Variants in SPATA13 observed in about 807,000 individuals in gnomAD.
SPATA13 encodes spermatogenesis-associated protein 13.
SPATA13 carries 50 observed loss-of-function variants against 104.0 expected under a neutral mutation model. The observed-to-expected ratio is 0.48, with a 90% CI of 0.38 to 0.61. SPATA13 has a LOEUF of 0.61. Ranked by LOEUF, SPATA13 falls within the 20% of genes least tolerant of loss-of-function variation. The pLI, the probability that SPATA13 is intolerant of heterozygous loss-of-function variation, is 0.00. For synonymous variants in SPATA13, 606 were observed against 667.5 expected (o/e 0.91, Z 1.42); for missense variants, 1,524 against 1,690.6 (o/e 0.90, Z 1.73).
chr13:24,221,289 G>A (rs762395553), intron 1 of SPATA13, among the ~76,000 whole-genome samples: 3 of 152,174 alleles, frequency 2.0e-5, no homozygotes, highest in African/African-American at 7.2e-5. Flanking sequence ...ACTCAGTGAC[G>A]TTATGTTTTC....
rs536049595 is a variant in SPATA13 at position 24,043,820 on chromosome 13, C to T, written c.-112+26119C>T. Among the ~76,000 whole-genome samples the T allele has an allele frequency of 5.3e-5, 8 of 152,334 alleles. No homozygotes were observed. The East Asian group carries it at 1.3e-3, about 26-fold the overall frequency. ...ACACTGAGATTTTCTATTAAATACCCTTCCTGACTCTATTGGAAATGACTG... is the reference window on the plus strand; with the variant it reads ...ACACTGAGATTTTCTATTAAATACCTTTCCTGACTCTATTGGAAATGACTG... On this transcript the variant is annotated intron_variant, in intron 3 of 14. Coordinates refer to the SPATA13 transcript ENST00000424834.
chr13:24,139,381 C>T (rs925784899), intron 3 of SPATA13, among the ~76,000 whole-genome samples: 1 of 152,082 alleles, frequency 6.6e-6, no homozygotes, highest in Non-Finnish European at 1.5e-5. Context: ...ACTGTTCAGC[C>T]CACAACAACA....
At chr13:24,021,856 C>T (rs4770553) in intron 3 of SPATA13, among the ~76,000 whole-genome samples, 117,202 of 150,542 alleles carry the variant, frequency 0.78, 46,225 homozygotes, top group Middle Eastern at 0.84. Flanking sequence ...GGACTACAGG[C>T]GCCCGCCACC....
intron 3 of SPATA13, among the ~76,000 whole-genome samples, chr13:24,020,293 A>G (rs1405128138): frequency 6.6e-6 from 1 of 152,238 alleles, no homozygotes; most frequent in Non-Finnish European, 1.5e-5. Context: ...TTGAACTTCT[A>G]ACCAATATGC....
rs538026097 is a variant in SPATA13, at chr13:24,115,854, G to A, written c.-112+98153G>A. On this transcript the variant is annotated intron_variant, in intron 3 of 14. Transcript: ENST00000424834. ...CAGATGCCAGCAGGTCAGTGCTGGTGGCTGGCAGGCAGCCTCAGCTCCTCA... is the reference window on the plus strand; with the variant it reads ...CAGATGCCAGCAGGTCAGTGCTGGTAGCTGGCAGGCAGCCTCAGCTCCTCA... Among the ~76,000 whole-genome samples the A allele has an allele frequency of 3.9e-5, 6 of 152,314 alleles. No homozygotes were observed. The South Asian group carries it at 1.2e-3, about 32-fold the overall frequency.
At chr13:23,985,617 T>G (rs966329078) in intron 2 of SPATA13, among the ~76,000 whole-genome samples, 1 of 152,236 alleles carries the variant, frequency 6.6e-6, no homozygotes, top group African/African-American at 2.4e-5. Context: ...CTGGAGGAAT[T>G]TCATCAGGGT....
intron 2 of SPATA13, among the ~76,000 whole-genome samples, chr13:24,228,108 CTTTTTTTTTT>C (rs71186818): frequency 2.0e-5 from 2 of 102,284 alleles, no homozygotes; most frequent in African/African-American, 9.4e-5. Context: ...CTCTTGTACT[CTTTTTTTTTT>C]TTTTTTTTTT....
intron 2 of SPATA13, among the ~76,000 whole-genome samples, chr13:24,227,307 C>T (rs1871999861): frequency 6.6e-6 from 1 of 151,964 alleles, no homozygotes; most frequent in Non-Finnish European, 1.5e-5. Flanking sequence ...ATATTTTATT[C>T]CTGAGAACCT....
At chr13:24,174,930 C>T (rs146368027) in intron 1 of SPATA13, among the ~76,000 whole-genome samples, 2 of 152,288 alleles carry the variant, frequency 1.3e-5, no homozygotes, top group African/African-American at 2.4e-5. Context: ...TTTAGAAATG[C>T]GTTGTTTCAT....
At chr13:24,033,574 C>T (rs965051800) in intron 3 of SPATA13, 4 of 152,516 alleles carry the variant, frequency 2.6e-5, no homozygotes, top group Admixed American at 1.3e-4. Flanking sequence ...CATTCCAGTC[C>T]TCAGCTTCAA....
chr13:24,057,257 G>C (rs1341508567), intron 3 of SPATA13, among the ~76,000 whole-genome samples: 1 of 114,726 alleles, frequency 8.7e-6, no homozygotes. Flanking sequence ...AACAGTCCCC[G>C]GAGTGTGATG....
intron 3 of SPATA13, among the ~76,000 whole-genome samples, chr13:24,153,878 C>A (rs1022232102): frequency 6.6e-6 from 1 of 152,210 alleles, no homozygotes; most frequent in Non-Finnish European, 1.5e-5. Context: ...CCACTTCTAA[C>A]AATGTGACTG....
At position 24,281,913 on chromosome 13, in the gene SPATA13, ACTC is replaced by A. The variant is rs1308759154; in HGVS notation, c.2165-2215_2165-2213del. Reference sequence around the variant, plus strand: ...GTGCATCACCAGTGCATGAGCTTGAACTCCTCCTCATCATGACAGCCCTGTCTG... The same window carrying A: ...GTGCATCACCAGTGCATGAGCTTGAACTCCTCATCATGACAGCCCTGTCTG... On this transcript the variant is annotated intron_variant, in intron 4 of 12. Coordinates refer to ENST00000382108, the MANE Select transcript of SPATA13 (RefSeq NM_001166271.3). 2.6e-5 allele frequency among the ~76,000 whole-genome samples: 4 copies of A among 151,888 alleles called. No homozygotes were observed. In the South Asian group the frequency reaches 6.2e-4, roughly 24 times the overall value.
At chr13:24,016,723 T>A (rs2137693723) in intron 2 of SPATA13, among the ~76,000 whole-genome samples, 1 of 152,348 alleles carries the variant, frequency 6.6e-6, no homozygotes, top group Non-Finnish European at 1.5e-5. Flanking sequence ...ATTGTCCTTG[T>A]GCAGAGAAAA....
At chr13:23,984,450 T>C (rs2810691) in intron 2 of SPATA13, among the ~76,000 whole-genome samples, 1,566 of 152,342 alleles carry the variant, frequency 0.01, 25 homozygotes, top group African/African-American at 0.036. Flanking sequence ...CTCTGTAAGT[T>C]GAATAGAAAC....
At chr13:24,133,329 T>G (rs538972601) in intron 3 of SPATA13, among the ~76,000 whole-genome samples, 1,570 of 152,296 alleles carry the variant, frequency 0.01, 23 homozygotes, top group African/African-American at 0.036. Context: ...TAAGCCCAGT[T>G]GGAAATAGTG....
At chr13:24,149,760 A>G (rs1292473995) in intron 3 of SPATA13, among the ~76,000 whole-genome samples, 1 of 152,204 alleles carries the variant, frequency 6.6e-6, no homozygotes, top group Non-Finnish European at 1.5e-5. Flanking sequence ...TGCGGGGCGG[A>G]TAGAGCTGGA....
intron 4 of SPATA13, chr13:24,270,860 G>T: frequency 6.2e-7 from 1 of 1,612,816 alleles, no homozygotes; most frequent in Non-Finnish European, 8.5e-7. Flanking sequence ...ACAGAAGGAT[G>T]GTAGCTAGAG....
At chr13:24,181,577 A>C (rs1030669213) in intron 1 of SPATA13, among the ~76,000 whole-genome samples, 1 of 152,108 alleles carries the variant, frequency 6.6e-6, no homozygotes, top group East Asian at 1.9e-4. Context: ...AAACGTACAC[A>C]TTAGCCTAGG....
Sources: allele counts gnomAD v4.1 joint callset (sites outside exome capture counted in the v4.1 genomes callset), GRCh38; gene constraint gnomAD v4.1.1; transcripts MANE v1.5; gene names NCBI Gene and HGNC (gene_info 2026-07-23, HGNC 2026-07-21).